The following CD247 variants were observed in gnomAD, a reference collection of about 807,000 sequenced individuals.
The protein encoded by CD247 is T-cell surface glycoprotein CD3 zeta chain.
A neutral mutation model predicts 30.0 loss-of-function variants in CD247; 13 were observed. That is an observed-to-expected ratio of 0.43 (90% CI 0.28 to 0.69). CD247 has a LOEUF of 0.69. CD247 is among the 30% of genes least tolerant of loss of function. CD247 has a pLI of 0.16. For missense variants in CD247, 193 were observed against 212.6 expected, an observed-to-expected ratio of 0.91 and a Z score of 0.57; for synonymous variants, 72 against 80.0, an observed-to-expected ratio of 0.90 and a Z score of 0.53.
At chr1:167,467,074 G>A (rs370511871) in intron 1 of CD247, among the ~76,000 whole-genome samples, 11 of 152,276 alleles carry the variant, frequency 7.2e-5, no homozygotes, top group African/African-American at 2.2e-4. Context: ...TCCTGACCTC[G>A]TGATCCGCCC....
chr1:167,464,196 T>C (rs1053216429), intron 1 of CD247, among the ~76,000 whole-genome samples: 2 of 152,142 alleles, frequency 1.3e-5, no homozygotes, highest in African/African-American at 4.8e-5. Context: ...GCCTAATTTA[T>C]AAATGGAAAT....
chr1:167,469,999 C>T (rs904608655), intron 1 of CD247, among the ~76,000 whole-genome samples: 8 of 152,056 alleles, frequency 5.3e-5, no homozygotes, highest in South Asian at 4.2e-4. Context: ...CGGCAACCTC[C>T]GCCTCCCAGG....
chr1:167,507,260 G>A (rs2102111465), intron 1 of CD247, among the ~76,000 whole-genome samples: 1 of 151,608 alleles, frequency 6.6e-6, no homozygotes, highest in East Asian at 1.9e-4. Context: ...AAGGAATGGT[G>A]ATTGGAGAGA....
At chr1:167,514,483 A>C (rs529199875) in intron 1 of CD247, among the ~76,000 whole-genome samples, 46 of 152,274 alleles carry the variant, frequency 3.0e-4, no homozygotes, top group Admixed American at 1.1e-3. Flanking sequence ...TAGAGCTGTG[A>C]GCGTGACAGG....
At chr1:167,456,831 C>G (rs1226506699) in intron 1 of CD247, among the ~76,000 whole-genome samples, 1 of 152,196 alleles carries the variant, frequency 6.6e-6, no homozygotes, top group Non-Finnish European at 1.5e-5. Flanking sequence ...AGAGAAGCAC[C>G]CAAGTGAGCC....
chr1:167,497,860 C>G (rs1654754188), intron 1 of CD247, among the ~76,000 whole-genome samples: 1 of 152,150 alleles, frequency 6.6e-6, no homozygotes, highest in African/African-American at 2.4e-5. Context: ...ACAAAGGAGT[C>G]AAGGCAAAGG....
chr1:167,461,067 C>T (rs1652987020), intron 1 of CD247, among the ~76,000 whole-genome samples: 1 of 152,252 alleles, frequency 6.6e-6, no homozygotes, highest in Non-Finnish European at 1.5e-5. Flanking sequence ...GCCTGCCGTG[C>T]CTGCAGCTGC....
intron 1 of CD247, among the ~76,000 whole-genome samples, chr1:167,515,862 A>C (rs1308544866): frequency 6.6e-6 from 1 of 152,280 alleles, no homozygotes; most frequent in Non-Finnish European, 1.5e-5. Context: ...ATGTAATAAT[A>C]GTAATAGTAA....
chr1:167,450,359 A>T (rs1220750847), intron 1 of CD247, among the ~76,000 whole-genome samples: 2 of 152,018 alleles, frequency 1.3e-5, no homozygotes, highest in African/African-American at 4.8e-5. Flanking sequence ...GCTGGGCATG[A>T]TGGTGCATGC....
Position 167,431,661 on chromosome 1 carries a change from G to A in CD247, c.*20C>T. 1 of 1,608,890 alleles carries A rather than the reference G, an allele frequency of 6.2e-7. No homozygotes were observed. Among genetic ancestry groups the A allele is most frequent in the Non-Finnish European group, 8.5e-7 (1 of 1,175,112 alleles). On this transcript the variant is annotated 3_prime_UTR_variant, in exon 8 of 8. Coordinates refer to ENST00000362089, the MANE Select transcript of CD247 (RefSeq NM_198053.3). ...GGGCGTCTGCAGGTCTGGCCTTTGA[G>A]TGGTGAAATCCCCTGGCTGTTAGCG...
intron 6 of CD247, among the ~76,000 whole-genome samples, chr1:167,433,279 T>C (rs1651364325): frequency 6.6e-6 from 1 of 152,160 alleles, no homozygotes. Flanking sequence ...TTGGGTTTGC[T>C]CCACCCCACT....
intron 1 of CD247, among the ~76,000 whole-genome samples, chr1:167,470,958 A>G (rs1211680252): frequency 2.8e-5 from 4 of 142,902 alleles, no homozygotes; most frequent in Admixed American, 1.5e-4. Context: ...TGCAACCTCC[A>G]CCTCCTGGGT....
intron 1 of CD247, chr1:167,458,574 T>C (rs1652825221): frequency 6.6e-6 from 1 of 152,248 alleles, no homozygotes; most frequent in Non-Finnish European, 1.5e-5. Flanking sequence ...TGACGAACTT[T>C]TACTCATCTT....
chr1:167,512,328 T>G lies in CD247; in HGVS notation c.58+6080A>C, dbSNP rs140182733. Among the ~76,000 whole-genome samples the G allele has an allele frequency of 3.9e-4, 60 of 152,200 alleles. 1 individual carries two copies. The East Asian group carries it at 6.2e-3, about 16-fold the overall frequency. On this transcript the variant is annotated intron_variant, in intron 1 of 7. Coordinates refer to ENST00000362089, the MANE Select transcript of CD247 (RefSeq NM_198053.3). ...TATTGTGGTAAGGTGAGAGCCCAGA[T>G]TTAAAAAGTATTTGGAGAGGCAAGG...
At chr1:167,499,401 C>G (rs558512233) in intron 1 of CD247, among the ~76,000 whole-genome samples, 1 of 152,302 alleles carries the variant, frequency 6.6e-6, no homozygotes, top group East Asian at 1.9e-4. Flanking sequence ...CCAGAAAGAG[C>G]AGCTGTTTTA....
intron 1 of CD247, among the ~76,000 whole-genome samples, chr1:167,484,792 A>G (rs1654135315): frequency 2.0e-5 from 3 of 152,164 alleles, no homozygotes; most frequent in African/African-American, 4.8e-5. Context: ...AAAACAAAAC[A>G]AAAAAGAGAA....
At chr1:167,446,352 G>T (rs1652077900) in intron 1 of CD247, among the ~76,000 whole-genome samples, 1 of 152,146 alleles carries the variant, frequency 6.6e-6, no homozygotes, top group African/African-American at 2.4e-5. Flanking sequence ...GAAGAGCAAA[G>T]AACATAATAA....
chr1:167,515,278 G>A (rs1469048218), intron 1 of CD247, among the ~76,000 whole-genome samples: 1 of 152,236 alleles, frequency 6.6e-6, no homozygotes, highest in Non-Finnish European at 1.5e-5. Flanking sequence ...TAGATACTCA[G>A]TCGCTGTGCA....
At chr1:167,472,932 A>C (rs1653591071) in intron 1 of CD247, among the ~76,000 whole-genome samples, 1 of 152,084 alleles carries the variant, frequency 6.6e-6, no homozygotes, top group Admixed American at 6.6e-5. Flanking sequence ...AAGATCAGTG[A>C]ACATTTGCTA....
Sources: allele counts gnomAD v4.1 joint callset (sites outside exome capture counted in the v4.1 genomes callset), GRCh38; gene constraint gnomAD v4.1.1; transcripts MANE v1.5; gene names NCBI Gene and HGNC (gene_info 2026-07-23, HGNC 2026-07-21).